Variants in PCNX3 observed in about 807,000 individuals in gnomAD.
The protein encoded by PCNX3 is pecanex 3.
Under a neutral mutation model 207.2 loss-of-function variants are expected in PCNX3, and 58 were observed. The observed-to-expected ratio is 0.28, with a 90% CI of 0.23 to 0.35. The LOEUF (loss-of-function observed/expected upper bound fraction) is 0.35, where lower values mean the gene tolerates loss of function less well. Ranked by LOEUF, PCNX3 falls within the 10% of genes least tolerant of loss-of-function variation. PCNX3 has a pLI of 1.00. For synonymous variants in PCNX3, 1,337 were observed against 1,183.5 expected, an observed-to-expected ratio of 1.13 and a Z score of -2.66; for missense variants, 2,410 against 2,774.4, an observed-to-expected ratio of 0.87 and a Z score of 2.95.
chr11:65,621,628 C>G (rs555233654), intron 10 of PCNX3, among the ~76,000 whole-genome samples: 1 of 152,178 alleles, frequency 6.6e-6, no homozygotes, highest in Non-Finnish European at 1.5e-5. Context: ...GAAGCGTGGC[C>G]GGCGGCCGCC....
At chr11:65,630,694 G>A (rs1855584082) in intron 27 of PCNX3, 90 bp downstream of exon 27, 1 of 1,500,306 alleles carries the variant, frequency 6.7e-7, no homozygotes, top group African/African-American at 1.4e-5. Context: ...CTGGGTTGTT[G>A]GGAGCCTGTT....
chr11:65,619,841 G>T lies in PCNX3; in HGVS notation c.1917G>T (p.Leu639=). The change falls in exon 8 of 35, where the codon CTG becomes CTT. Residue 639 remains leucine (L), a synonymous_variant. Transcript: ENST00000355703. ...LPSALHFASS[L]LLTRAGANVH... ...CTGCGCTGCATTTCGCCTCTTCACT[G>T]TTGCTCACCCGGGCCGGTGCCAATG... 6.2e-7 allele frequency: 1 copy of T among 1,608,324 alleles called. No homozygotes were observed.
In PCNX3 at chr11:65,626,023, G is replaced by A. The variant is rs750166513; in HGVS notation, c.3348G>A (p.Lys1116=). The change falls in exon 20 of 35, where the codon AAG becomes AAA. Residue 1116 remains lysine (K), a synonymous_variant. Transcript: ENST00000355703. The part of the protein sequence containing the change: ...PWFCLSQPVL[K]PLEYSQYEVR... ...TCTGCCTGTCACAGCCCGTGCTGAA[G>A]CCGCTGGAGTACAGCCAGTATGAAG... 15 of 1,611,938 alleles carry A rather than the reference G, an allele frequency of 9.3e-6. No homozygotes were observed. In the East Asian group the frequency reaches 2.9e-4, roughly 31 times the overall value.
intron 23 of PCNX3, 28 bp downstream of exon 23, chr11:65,628,731 G>A (rs1855500660): frequency 1.2e-6 from 2 of 1,606,040 alleles, no homozygotes; most frequent in African/African-American, 1.3e-5. Context: ...GGGTGGGGGT[G>A]TGCAGGGAGG....
rs962706926 is a variant in PCNX3, at chr11:65,620,972, G to C, written c.2235+6G>C. Reference sequence around the variant, plus strand: ...TGCCCCTGGAGATCCCGGAGGTGAGGAGCAGCCGGGGAAGGGCCGTGCCAG... The same window carrying C: ...TGCCCCTGGAGATCCCGGAGGTGAGCAGCAGCCGGGGAAGGGCCGTGCCAG... On this transcript the variant is annotated splice_donor_region_variant and intron_variant, in intron 10 of 34. Transcript: ENST00000355703. 4 of 1,532,240 alleles carry C rather than the reference G, an allele frequency of 2.6e-6. No homozygotes were observed. The highest frequency in any genetic ancestry group is 3.5e-6 in the Non-Finnish European group (4 of 1,137,440). The allele number at this position is 1,532,240 out of a possible 1,614,324, so 94.9% of individuals were successfully genotyped here.
In PCNX3 at chr11:65,616,441, A is replaced by G. The variant is rs199805337; in HGVS notation, c.130A>G (p.Ile44Val). The change falls in exon 1 of 35, where the codon ATC becomes GTC. Residue 44 changes from isoleucine to valine, a missense_variant. By Grantham distance (29) the Ile-to-Val change is conservative. This residue lies in a region of PCNX3 where 1,104 missense variants were observed against 970.3 expected (regional missense o/e 1.14). Coordinates refer to ENST00000355703, the MANE Select transcript of PCNX3 (RefSeq NM_032223.4). ...CCTCTATGTCTGGATCTTCCTGCTC[A>G]TCTTTCCCTTCTTACTGTACATGGT... ...FHLYVWIFLL[I>V]FPFLLYMVLP... The G allele has an allele frequency of 3.0e-4, 485 of 1,608,958 alleles. No individual in the cohort carries two copies. The highest frequency in any genetic ancestry group is 8.3e-4 in the Middle Eastern group (5 of 6,058).
chr11:65,627,637 C>T, intron 22 of PCNX3, 55 bp downstream of exon 22: 1 of 1,576,972 alleles, frequency 6.3e-7, no homozygotes, highest in Non-Finnish European at 8.7e-7. Flanking sequence ...GCAGAGCCAA[C>T]TTCTGCCTGG....
At chr11:65,622,970 C>T (rs532679944) in intron 11 of PCNX3, among the ~76,000 whole-genome samples, 35 of 152,144 alleles carry the variant, frequency 2.3e-4, no homozygotes, top group Admixed American at 5.2e-4. Flanking sequence ...TAGAAAAGCT[C>T]ACAGACCAGT....
chr11:65,623,751 C>G, intron 12 of PCNX3, 107 bp downstream of exon 12: 1 of 1,534,492 alleles, frequency 6.5e-7, no homozygotes, highest in South Asian at 1.2e-5. Flanking sequence ...GATAATTTGT[C>G]TAAGGTTCCC....
chr11:65,629,508 T>C lies in PCNX3; in HGVS notation c.4001-12T>C. On this transcript the variant is annotated splice_polypyrimidine_tract_variant and intron_variant, in intron 25 of 34. Coordinates refer to ENST00000355703, the MANE Select transcript of PCNX3 (RefSeq NM_032223.4). ...TCACTTTGTCCATTTGCCCGTCTGT[T>C]CTGGGTCTTAGGCGCTGATGACAAC... 1 of 1,613,542 alleles carries C rather than the reference T, an allele frequency of 6.2e-7. No individual in the cohort carries two copies. Among genetic ancestry groups the C allele is most frequent in the Non-Finnish European group, 8.5e-7 (1 of 1,179,712 alleles).
At chr11:65,626,868 G>T in intron 20 of PCNX3, 36 bp from the exon 21 acceptor site, 1 of 1,566,706 alleles carries the variant, frequency 6.4e-7, no homozygotes, top group East Asian at 2.4e-5. Context: ...GCAGGCATGT[G>T]GAAGCCAGGT....
In PCNX3 at chr11:65,618,380, C is replaced by A. The variant is rs774964134; in HGVS notation, c.1018C>A (p.Pro340Thr). ...CCCTGAGGGCAGCGACACAGACCCACCCTCTGAGGCTGAGCTGCCTGCCTC... is the reference window on the plus strand; with the variant it reads ...CCCTGAGGGCAGCGACACAGACCCAACCTCTGAGGCTGAGCTGCCTGCCTC... ...PAPEGSDTDP[P>T]SEAELPASPD... The change falls in exon 6 of 35, where the codon CCC becomes ACC. Residue 340 changes from proline (P) to threonine (T), a missense_variant. Around this residue, in one of 8 missense-constraint regions of PCNX3, gnomAD observed 1,104 missense variants for 970.3 expected, o/e 1.14. Coordinates refer to ENST00000355703, the MANE Select transcript of PCNX3 (RefSeq NM_032223.4). 1.2e-6 allele frequency: 2 copies of A among 1,612,660 alleles called. No individual in the cohort carries two copies. Among genetic ancestry groups the A allele is most frequent in the African/African-American group, 2.7e-5 (2 of 74,940 alleles).
In PCNX3 at chr11:65,623,563, G is replaced by T. The variant is rs1375399678; in HGVS notation, c.2430G>T (p.Leu810=). ...SSLVAFLGYL[L]LLKGFFTDIW... is the part of the protein sequence containing the mutation. ...TTGTGGCCTTCCTGGGCTACCTGCT[G>T]CTGCTCAAGGGCTTCTTCACTGACA... is the stretch of plus-strand genomic sequence containing the variant. Residue 810 remains leucine, a synonymous_variant, in exon 12 of 35, where the codon CTG becomes CTT. Transcript: ENST00000355703. 1 of 1,613,966 alleles carries T rather than the reference G, an allele frequency of 6.2e-7. No individual in the cohort carries two copies. The highest frequency in any genetic ancestry group is 1.7e-5 in the Admixed American group (1 of 60,018).
chr11:65,630,708 T>A, intron 27 of PCNX3, 104 bp downstream of exon 27: 1 of 1,459,808 alleles, frequency 6.9e-7, no homozygotes, highest in East Asian at 2.4e-5. Flanking sequence ...GCCTGTTTTG[T>A]CCAAGGGAAG....
At position 65,635,561 on chromosome 11, in the gene PCNX3, C is replaced by G; in HGVS notation, c.5217C>G (p.Ala1739=). ...GGGAGTGCGTGCGCGGCCTGTGGGC[C>G]GGGCAGCAGCAGGAGCTGGTGTTCC... is the stretch of plus-strand genomic sequence containing the variant. The part of the protein sequence containing the change: ...VNRECVRGLW[A]GQQQELVFLR... The change falls in exon 32 of 35, where the codon GCC becomes GCG. Residue 1739 remains alanine, a synonymous_variant. Coordinates refer to ENST00000355703, the MANE Select transcript of PCNX3 (RefSeq NM_032223.4). This position sits in a 1 kb window ranked among gnomAD's most constrained non-coding sequence, Gnocchi z 9.9. The G allele has an allele frequency of 6.2e-7, 1 of 1,611,958 alleles. No individual in the cohort carries two copies. Among genetic ancestry groups the G allele is most frequent in the Non-Finnish European group, 8.5e-7 (1 of 1,179,678 alleles).
chr11:65,617,916 TTC>T, intron 5 of PCNX3, 22 bp from the exon 6 acceptor site: 2 of 1,559,060 alleles, frequency 1.3e-6, no homozygotes, highest in Non-Finnish European at 1.7e-6. Flanking sequence ...TTTTTTCATT[TTC>T]TGTTTCCCTT....
In PCNX3 at chr11:65,624,289, C is replaced by T. The variant is rs761273247; in HGVS notation, c.2639C>T (p.Pro880Leu). Residue 880 changes from proline to leucine, a missense_variant, in exon 14 of 35, where the codon CCC becomes CTC. This residue lies in a region of PCNX3 where 177 missense variants were observed against 257.5 expected (regional missense o/e 0.69). Coordinates refer to ENST00000355703, the MANE Select transcript of PCNX3 (RefSeq NM_032223.4). ...WLLDALGSAQ[P>L]FPPVSLYGLT... Reference sequence around the variant, plus strand: ...CTGGACGCCCTGGGCTCAGCTCAGCCCTTCCCACCTGTCTCCCTCTACGGC... The same window carrying T: ...CTGGACGCCCTGGGCTCAGCTCAGCTCTTCCCACCTGTCTCCCTCTACGGC... 1.3e-6 allele frequency: 2 copies of T among 1,590,054 alleles called. No individual in the cohort carries two copies. Among genetic ancestry groups the T allele is most frequent in the Non-Finnish European group, 1.7e-6 (2 of 1,167,810 alleles).
intron 8 of PCNX3, 88 bp downstream of exon 8, chr11:65,620,020 C>T (rs1223352451): frequency 5.2e-6 from 7 of 1,357,452 alleles, no homozygotes; most frequent in African/African-American, 1.4e-5. Flanking sequence ...TCGCTCGGCC[C>T]TGTGGCAGGT....
chr11:65,618,690 G>A lies in PCNX3; in HGVS notation c.1328G>A (p.Ser443Asn). The A allele has an allele frequency of 1.2e-6, 2 of 1,613,280 alleles. No individual in the cohort carries two copies. The highest frequency in any genetic ancestry group is 1.1e-5 in the South Asian group (1 of 91,086). ...AGTCTCCGATCGCAGCGCCGCTACA[G>A]TACTGACAGCTCCTCTTCTACTTCC... is the stretch of plus-strand genomic sequence containing the variant. ...ASSLRSQRRYSTDSSSSTSCY... is the reference protein window; with the variant it reads ...ASSLRSQRRYNTDSSSSTSCY... Residue 443 changes from serine (S) to asparagine (N), a missense_variant, in exon 6 of 35, where the codon AGT becomes AAT. Physicochemically the swap from Ser to Asn is conservative, Grantham distance 46. Coordinates refer to ENST00000355703, the MANE Select transcript of PCNX3 (RefSeq NM_032223.4).
Sources: gnomAD v4.1 joint callset for allele counts (sites outside exome capture counted in the v4.1 genomes callset) on GRCh38, gnomAD v4.1.1 for gene constraint, gnomAD v4.1.1 regional missense constraint, Gnocchi (gnomAD v3.1) non-coding constraint, MANE v1.5 for transcripts, NCBI Gene and HGNC (gene_info 2026-07-23, HGNC 2026-07-21) for gene names.